CLCN5: variants seen among roughly 807,000 people sequenced by gnomAD.
CLCN5 encodes the protein H(+)/Cl(-) exchange transporter 5.
CLCN5 carries 17 observed loss-of-function variants against 54.0 expected under a neutral mutation model. The ratio of observed to expected loss-of-function variants is 0.31; its 90% CI spans 0.22 to 0.47. The LOEUF (loss-of-function observed/expected upper bound fraction) is 0.47, where lower values mean the gene tolerates loss of function less well. CLCN5 is among the 20% of genes least tolerant of loss of function. The probability of loss-of-function intolerance (pLI) is 1.00; values close to 1 mark genes in which losing one functional copy is unlikely to be tolerated. For missense variants in CLCN5, 448 were observed against 646.7 expected (o/e 0.69, Z 3.33); for synonymous variants, 222 against 233.0 (o/e 0.95, Z 0.43).
rs1395737107 is a variant in CLCN5, at chrX:50,099,208, G to C, written c.*6989G>C. ...TTAGCACAGATTTGTAATTATGCAT[G>C]TAATAAAGCACAGCCTTATCCACCC... On this transcript the variant is annotated 3_prime_UTR_variant, in exon 15 of 15. Coordinates refer to ENST00000376091, the MANE Select transcript of CLCN5 (RefSeq NM_001127898.4). 8.9e-6 allele frequency: 1 copy of C among 112,057 alleles called. No homozygotes were observed. Among genetic ancestry groups the C allele is most frequent in the African/African-American group, 3.3e-5 (1 of 30,708 alleles). 9.2% of individuals were successfully genotyped at this position (112,057 alleles called of 1,213,427 possible). A position where few individuals can be genotyped will look rare whatever the true frequency, so the allele number is the denominator to read the frequency against.
chrX:49,926,508 C>T (rs782007098), intron 3 of CLCN5, among the ~76,000 whole-genome samples: 38 of 111,940 alleles, frequency 3.4e-4, no homozygotes, highest in Admixed American at 2.8e-3. Flanking sequence ...CCGAGAAAAG[C>T]TTGATGAAGT....
intron 3 of CLCN5, among the ~76,000 whole-genome samples, chrX:49,945,604 G>GTTTTTTTTTTT (rs1162822439): frequency 7.7e-4 from 55 of 71,119 alleles, no homozygotes; most frequent in Non-Finnish European, 9.3e-4. Flanking sequence ...CGCCCAGCTA[G>GTTTTTTTTTTT]TTTTTTTTTT....
At chrX:50,003,334 G>T in intron 3 of CLCN5, 1 of 334,877 alleles carries the variant, frequency 3.0e-6, no homozygotes, top group Non-Finnish European at 6.1e-6. Flanking sequence ...GGGGTACACT[G>T]TTAGCAGCCA....
chrX:49,924,145 A>ATTTTTTTTTTTT (rs34424526), intron 2 of CLCN5, among the ~76,000 whole-genome samples: 2 of 84,472 alleles, frequency 2.4e-5, no homozygotes, highest in African/African-American at 9.0e-5. Context: ...CCTAGCTCCT[A>ATTTTTTTTTTTT]TTTTTTTTTT....
chrX:49,946,231 A>G (rs1926734574), intron 3 of CLCN5, among the ~76,000 whole-genome samples: 1 of 112,210 alleles, frequency 8.9e-6, no homozygotes, highest in Non-Finnish European at 1.9e-5. Context: ...GTTGCTGCAT[A>G]ATGAATTACC....
chrX:50,012,953 A>G (rs782704671), intron 3 of CLCN5, among the ~76,000 whole-genome samples: 1 of 111,810 alleles, frequency 8.9e-6, no homozygotes, highest in African/African-American at 3.3e-5. Flanking sequence ...TACGTTCCCA[A>G]TGCCGAGTCC....
At chrX:50,070,083 T>A (rs1262259871) in intron 5 of CLCN5, 53 bp downstream of exon 5, 1 of 1,065,571 alleles carries the variant, frequency 9.4e-7, no homozygotes, top group African/African-American at 1.8e-5. Context: ...GGGGAAGAAA[T>A]TGAAGATACA....
chrX:50,028,676 G>A (rs1314615695), intron 3 of CLCN5, among the ~76,000 whole-genome samples: 8 of 111,760 alleles, frequency 7.2e-5, no homozygotes, highest in African/African-American at 2.6e-4. Flanking sequence ...TGTATTGTGG[G>A]GATGGGAGTG....
chrX:49,969,651 T>A (rs1928102772), intron 3 of CLCN5, among the ~76,000 whole-genome samples: 1 of 111,971 alleles, frequency 8.9e-6, no homozygotes, highest in South Asian at 3.7e-4. Flanking sequence ...TTGGGTTCTT[T>A]TAAATTCGTT....
intron 3 of CLCN5, among the ~76,000 whole-genome samples, chrX:49,949,587 T>G (rs1926926135): frequency 8.9e-6 from 1 of 111,939 alleles, no homozygotes; most frequent in African/African-American, 3.2e-5. Context: ...ACTTTTTCAG[T>G]GCTGATTTTT....
At chrX:50,062,600 G>A (rs1447536039) in intron 4 of CLCN5, among the ~76,000 whole-genome samples, 2 of 81,447 alleles carry the variant, frequency 2.5e-5, no homozygotes, top group African/African-American at 6.0e-5. Flanking sequence ...ACAGATCAAC[G>A]AGACAGAAAG....
At chrX:50,084,232 A>G (rs782634162) in intron 9 of CLCN5, among the ~76,000 whole-genome samples, 46 of 112,386 alleles carry the variant, frequency 4.1e-4, no homozygotes, top group Non-Finnish European at 7.1e-4. Context: ...TTGTAACACA[A>G]TGGTAAATAT....
intron 3 of CLCN5, among the ~76,000 whole-genome samples, chrX:50,032,447 G>C (rs1462007728): frequency 9.0e-5 from 10 of 111,355 alleles, no homozygotes; most frequent in African/African-American, 3.3e-4. Context: ...TTGTGGTTTT[G>C]ATTTGCATTT....
At chrX:50,033,172 G>A (rs1475131142) in intron 3 of CLCN5, among the ~76,000 whole-genome samples, 1 of 111,054 alleles carries the variant, frequency 9.0e-6, no homozygotes, top group Non-Finnish European at 1.9e-5. Context: ...GGCCAGGGCA[G>A]TTAGGCAGGA....
intron 9 of CLCN5, chrX:50,085,717 C>T (rs182482990): frequency 9.2e-5 from 35 of 379,153 alleles, no homozygotes; most frequent in African/African-American, 4.7e-4. Flanking sequence ...GAGATAAGGG[C>T]GGGGGGGCGG....
chrX:50,081,855 T>C lies in CLCN5; in HGVS notation c.933+8T>C. 2.5e-6 allele frequency: 3 copies of C among 1,189,231 alleles called. No homozygotes were observed. Among genetic ancestry groups the C allele is most frequent in the Non-Finnish European group, 3.4e-6 (3 of 877,332 alleles). ...GAAGCCAAGCGCAGAGAGGTAATAA[T>C]GAATGGCCTTAATAGTCTCTTTTTG... On this transcript the variant is annotated splice_region_variant and intron_variant, in intron 9 of 14. Transcript: ENST00000376091.
chrX:49,945,086 A>T (rs1926619968), intron 3 of CLCN5, among the ~76,000 whole-genome samples: 1 of 111,815 alleles, frequency 8.9e-6, no homozygotes, highest in Admixed American at 9.5e-5. Context: ...GTAGAGTGGA[A>T]GATACTTTAG....
At chrX:50,011,670 G>A (rs1460983274) in intron 3 of CLCN5, among the ~76,000 whole-genome samples, 1 of 112,487 alleles carries the variant, frequency 8.9e-6, no homozygotes, top group Non-Finnish European at 1.9e-5. Context: ...GATTAAATGA[G>A]GGAAGTCTTC....
intron 4 of CLCN5, among the ~76,000 whole-genome samples, chrX:50,060,655 A>G (rs1241472136): frequency 8.9e-6 from 1 of 112,006 alleles, no homozygotes; most frequent in African/African-American, 3.2e-5. Context: ...GGAGCCCACC[A>G]CAGCTCAAGG....
Sources: allele counts gnomAD v4.1 joint callset (sites outside exome capture counted in the v4.1 genomes callset), GRCh38; gene constraint gnomAD v4.1.1; transcripts MANE v1.5; gene names NCBI Gene and HGNC (gene_info 2026-07-23, HGNC 2026-07-21).